Variants in MEOX2 observed in about 807,000 individuals in gnomAD.
MEOX2 encodes homeobox protein MOX-2.
Under a neutral mutation model 27.0 loss-of-function variants are expected in MEOX2, and 11 were observed. The ratio of observed to expected loss-of-function variants is 0.41; its 90% confidence interval spans 0.26 to 0.68. The LOEUF is 0.68. Ranked by LOEUF, MEOX2 falls within the 30% of genes least tolerant of loss-of-function variation. The pLI, the probability that MEOX2 is intolerant of heterozygous loss-of-function variation, is 0.33. For missense variants in MEOX2, 436 were observed against 385.4 expected, an observed-to-expected ratio of 1.13 and a Z score of -1.10; for synonymous variants, 189 against 155.4, an observed-to-expected ratio of 1.22 and a Z score of -1.61.
chr7:15,674,559 T>C, intron 1 of MEOX2, among the ~76,000 whole-genome samples: 1 of 125,886 alleles, frequency 7.9e-6, no homozygotes, highest in African/African-American at 3.8e-5. Flanking sequence ...AAAGATTCTG[T>C]GTGTGTGTGT....
At chr7:15,675,136 T>C (rs180958017) in intron 1 of MEOX2, among the ~76,000 whole-genome samples, 25 of 152,316 alleles carry the variant, frequency 1.6e-4, no homozygotes, top group Non-Finnish European at 1.5e-5. Context: ...CACAAATAAC[T>C]GCCTAAAATA....
chr7:15,656,068 T>C (rs994564149), intron 1 of MEOX2, among the ~76,000 whole-genome samples: 10 of 151,872 alleles, frequency 6.6e-5, no homozygotes, highest in African/African-American at 2.2e-4. Context: ...CTACATCTTC[T>C]CAATGAATTG....
intron 2 of MEOX2, among the ~76,000 whole-genome samples, chr7:15,619,710 C>G (rs923382781): frequency 5.9e-5 from 9 of 151,898 alleles, no homozygotes; most frequent in African/African-American, 1.9e-4. Context: ...GTCTACCTAT[C>G]TACATCAAAA....
At chr7:15,622,601 A>G (rs528210959) in intron 2 of MEOX2, among the ~76,000 whole-genome samples, 2 of 152,332 alleles carry the variant, frequency 1.3e-5, no homozygotes, top group Admixed American at 6.5e-5. Context: ...TGAAAAGACA[A>G]CATATCTATA....
rs149385818 is a variant in MEOX2, at chr7:15,683,255, G to A, written c.517+2631C>T. 3.7e-3 allele frequency among the ~76,000 whole-genome samples: 557 copies of A among 152,084 alleles called. 3 individuals are homozygous for A. The highest frequency in any genetic ancestry group is 0.013 in the African/African-American group (534 of 41,522). Reference sequence around the variant, plus strand: ...TACACATACAGTCTAAGTATTAGATGCAGGGATACAGAATTTTGGTCCTGA... The same window carrying A: ...TACACATACAGTCTAAGTATTAGATACAGGGATACAGAATTTTGGTCCTGA... On this transcript the variant is annotated intron_variant, in intron 1 of 2. Coordinates refer to ENST00000262041, the MANE Select transcript of MEOX2 (RefSeq NM_005924.5).
intron 2 of MEOX2, among the ~76,000 whole-genome samples, chr7:15,623,139 A>T (rs1157797876): frequency 6.6e-6 from 1 of 152,224 alleles, no homozygotes; most frequent in African/African-American, 2.4e-5. Flanking sequence ...TGGATTTTAA[A>T]GTGTTCTGTT....
intron 1 of MEOX2, chr7:15,679,353 A>G (rs1782255628): frequency 1.3e-5 from 2 of 152,132 alleles, no homozygotes; most frequent in African/African-American, 4.8e-5. Flanking sequence ...ACTACAATAA[A>G]AACAAAAAAC....
intron 1 of MEOX2, among the ~76,000 whole-genome samples, chr7:15,665,990 G>A (rs548970891): frequency 1.3e-5 from 2 of 152,094 alleles, no homozygotes; most frequent in South Asian, 4.2e-4. Flanking sequence ...AGATTGAGAG[G>A]GTGGTTTTGA....
At chr7:15,660,164 T>C (rs1172730120) in intron 1 of MEOX2, among the ~76,000 whole-genome samples, 3 of 152,070 alleles carry the variant, frequency 2.0e-5, no homozygotes, top group Non-Finnish European at 2.9e-5. Flanking sequence ...AATAAGGGTA[T>C]TCCACCCAAA....
chr7:15,650,705 T>TG (rs1781720665), intron 1 of MEOX2, among the ~76,000 whole-genome samples: 1 of 151,776 alleles, frequency 6.6e-6, no homozygotes, highest in African/African-American at 2.4e-5. Context: ...TTGAGTTTTT[T>TG]TGGGGGGGAG....
At chr7:15,627,827 G>GACACACACACA (rs1562597864) in intron 1 of MEOX2, among the ~76,000 whole-genome samples, 1 of 144,054 alleles carries the variant, frequency 6.9e-6, no homozygotes, top group African/African-American at 2.6e-5. Context: ...ACACACACAC[G>GACACACACACA]TCAAGTAAAA....
chr7:15,668,691 G>GA (rs1782049035), intron 1 of MEOX2, among the ~76,000 whole-genome samples: 1 of 151,998 alleles, frequency 6.6e-6, no homozygotes, highest in Non-Finnish European at 1.5e-5. Context: ...GGTCAGGCTC[G>GA]TCTCGAACTC....
chr7:15,632,238 C>T (rs1034045634), intron 1 of MEOX2, among the ~76,000 whole-genome samples: 2 of 151,696 alleles, frequency 1.3e-5, no homozygotes, highest in Non-Finnish European at 2.9e-5. Context: ...ATGGAAGTTA[C>T]AGAAATTTTA....
chr7:15,661,468 G>A (rs1562609615), intron 1 of MEOX2, among the ~76,000 whole-genome samples: 1 of 152,102 alleles, frequency 6.6e-6, no homozygotes, highest in East Asian at 1.9e-4. Flanking sequence ...TTTGGAATGC[G>A]TTTTGCTTTT....
At chr7:15,614,971 G>C (rs1050956026) in intron 2 of MEOX2, among the ~76,000 whole-genome samples, 3 of 151,956 alleles carry the variant, frequency 2.0e-5, no homozygotes, top group Non-Finnish European at 4.4e-5. Context: ...GTCTCACTTA[G>C]AGCCATAGTT....
intron 1 of MEOX2, among the ~76,000 whole-genome samples, chr7:15,633,510 G>A (rs1291442691): frequency 6.6e-6 from 1 of 151,930 alleles, no homozygotes; most frequent in Non-Finnish European, 1.5e-5. Flanking sequence ...CAGATTTGCA[G>A]TGTGATGCCA....
At chr7:15,674,912 T>C (rs775583436) in intron 1 of MEOX2, among the ~76,000 whole-genome samples, 2 of 152,146 alleles carry the variant, frequency 1.3e-5, no homozygotes, top group Non-Finnish European at 2.9e-5. Context: ...AAAGACTATA[T>C]TAAATTTTTT....
At position 15,631,026 on chromosome 7, in the gene MEOX2, C is replaced by T. The variant is rs371797174; in HGVS notation, c.518-4108G>A. ...GATTCATGAATGTGTCGATTATACA[C>T]TAAGGTGTGTGAGGAGTTAAAAATT... On this transcript the variant is annotated intron_variant, in intron 1 of 2. Coordinates refer to ENST00000262041, the MANE Select transcript of MEOX2 (RefSeq NM_005924.5). 3.9e-5 allele frequency among the ~76,000 whole-genome samples: 6 copies of T among 151,966 alleles called. No individual in the cohort carries two copies. The East Asian group carries it at 9.7e-4, about 25-fold the overall frequency.
chr7:15,655,983 T>A (rs1484648031), intron 1 of MEOX2, among the ~76,000 whole-genome samples: 3 of 151,838 alleles, frequency 2.0e-5, no homozygotes, highest in African/African-American at 7.2e-5. Context: ...CTTATCAATT[T>A]CTCCTATTAG....
Sources: gnomAD v4.1 joint callset for allele counts (sites outside exome capture counted in the v4.1 genomes callset) on GRCh38, gnomAD v4.1.1 for gene constraint, MANE v1.5 for transcripts, NCBI Gene and HGNC (gene_info 2026-07-23, HGNC 2026-07-21) for gene names.